PTPRD: variants seen among roughly 807,000 people sequenced by gnomAD.
PTPRD encodes the protein receptor-type tyrosine-protein phosphatase delta.
In PTPRD, 34 loss-of-function variants were observed where a neutral mutation model predicts 214.5. The observed-to-expected ratio is 0.16, with a 90% CI of 0.12 to 0.21. The LOEUF (loss-of-function observed/expected upper bound fraction) is 0.21. PTPRD is among the 10% of genes least tolerant of loss of function. The pLI, the probability that PTPRD is intolerant of heterozygous loss-of-function variation, is 1.00. For missense variants in PTPRD, 2,545 were observed against 2,398.7 expected, an observed-to-expected ratio of 1.06 and a Z score of -1.27; for synonymous variants, 1,128 against 845.7, an observed-to-expected ratio of 1.33 and a Z score of -5.79.
At chr9:10,374,765 G>A (rs1046266589) in intron 2 of PTPRD, among the ~76,000 whole-genome samples, 1 of 152,024 alleles carries the variant, frequency 6.6e-6, no homozygotes, top group South Asian at 2.1e-4. Flanking sequence ...TAATTCATAA[G>A]TAAAATATAC....
intron 9 of PTPRD, among the ~76,000 whole-genome samples, chr9:9,222,403 C>T (rs2099956693): frequency 6.6e-6 from 1 of 151,958 alleles, no homozygotes; most frequent in Admixed American, 6.6e-5. Context: ...TTTTCTAGAA[C>T]ACAGGGAGTG....
At chr9:9,595,548 G>T (rs1490176855) in intron 7 of PTPRD, among the ~76,000 whole-genome samples, 3 of 39,418 alleles carry the variant, frequency 7.6e-5, no homozygotes, top group African/African-American at 1.7e-4. Flanking sequence ...ATGTATGTGT[G>T]TTTGTGTGTG....
At chr9:10,263,701 G>A (rs1370463042) in intron 3 of PTPRD, among the ~76,000 whole-genome samples, 2 of 152,142 alleles carry the variant, frequency 1.3e-5, no homozygotes, top group Admixed American at 6.5e-5. Flanking sequence ...CCATTTTCTG[G>A]GGAGAAATTC....
chr9:8,525,217 A>AAT (rs1564068362), intron 17 of PTPRD, 182 bp from the exon 18 acceptor site: 3 of 621,654 alleles, frequency 4.8e-6, no homozygotes, highest in African/African-American at 3.7e-5. Flanking sequence ...TATAGAGATT[A>AAT]TTTTTTTTTT....
intron 7 of PTPRD, among the ~76,000 whole-genome samples, chr9:9,613,135 C>CATATATATATATATATAT (rs67735335): frequency 7.9e-4 from 38 of 47,868 alleles, no homozygotes; most frequent in African/African-American, 2.8e-3. Flanking sequence ...TACATACATA[C>CATATATATATATATATAT]ATATATATAT....
At chr9:9,335,880 C>T (rs1422949292) in intron 9 of PTPRD, among the ~76,000 whole-genome samples, 2 of 151,978 alleles carry the variant, frequency 1.3e-5, no homozygotes, top group African/African-American at 4.8e-5. Flanking sequence ...TGAAATGTAA[C>T]ATGTTCAAAT....
intron 5 of PTPRD, among the ~76,000 whole-genome samples, chr9:9,773,630 C>T (rs1388406238): frequency 6.6e-6 from 1 of 152,136 alleles, no homozygotes; most frequent in Non-Finnish European, 1.5e-5. Flanking sequence ...CAGTCTAAGC[C>T]TTGTTGTACC....
rs1371920751 is a variant in PTPRD at position 8,751,694 on chromosome 9, G to A, written c.-103-17748C>T. 2.6e-5 allele frequency among the ~76,000 whole-genome samples: 4 copies of A among 152,124 alleles called. No individual in the cohort carries two copies. In the East Asian group the frequency reaches 7.7e-4, roughly 29 times the overall value. On this transcript the variant is annotated intron_variant, in intron 11 of 45. Coordinates refer to ENST00000381196, the MANE Select transcript of PTPRD (RefSeq NM_002839.4). ...ATTTCATCCCTTAGTCTTCACTCCA[G>A]GATTTCCTCCATTATTGAAGCAAGG...
At chr9:9,809,709 G>C (rs1052653021) in intron 5 of PTPRD, among the ~76,000 whole-genome samples, 9 of 152,158 alleles carry the variant, frequency 5.9e-5, no homozygotes, top group Admixed American at 6.5e-5. Flanking sequence ...CTAAACACTA[G>C]AAGAGAAGGA....
chr9:10,127,620 C>T (rs995071236), intron 3 of PTPRD, among the ~76,000 whole-genome samples: 1 of 152,172 alleles, frequency 6.6e-6, no homozygotes, highest in East Asian at 1.9e-4. Context: ...TGATATTAAT[C>T]ATATTGTTTC....
At chr9:9,287,219 T>A (rs1200702338) in intron 9 of PTPRD, among the ~76,000 whole-genome samples, 1 of 151,460 alleles carries the variant, frequency 6.6e-6, no homozygotes, top group East Asian at 2.0e-4. Context: ...AACAAGACTC[T>A]GTCATCCCAC....
chr9:9,029,018 G>C (rs1428358903), intron 10 of PTPRD, among the ~76,000 whole-genome samples: 1 of 151,810 alleles, frequency 6.6e-6, no homozygotes, highest in Non-Finnish European at 1.5e-5. Context: ...TTCAACTGTG[G>C]CTAGTAAGAA....
At chr9:9,575,954 G>T (rs10977851) in intron 7 of PTPRD, among the ~76,000 whole-genome samples, 1 of 151,990 alleles carries the variant, frequency 6.6e-6, no homozygotes, top group East Asian at 1.9e-4. Context: ...CCTCAAAGAA[G>T]AAATTAGTAG....
At chr9:10,393,635 GTA>G (rs529678306) in intron 2 of PTPRD, among the ~76,000 whole-genome samples, 5 of 146,352 alleles carry the variant, frequency 3.4e-5, no homozygotes, top group Non-Finnish European at 3.0e-5. Context: ...TATTCTGCAA[GTA>G]TATATATATA....
intron 7 of PTPRD, among the ~76,000 whole-genome samples, chr9:9,723,858 C>G (rs2098020540): frequency 6.6e-6 from 1 of 152,034 alleles, no homozygotes. Flanking sequence ...AAGTATTAAT[C>G]TTGTATCCTG....
intron 4 of PTPRD, among the ~76,000 whole-genome samples, chr9:9,985,543 T>C (rs1354000310): frequency 1.3e-5 from 2 of 152,116 alleles, no homozygotes; most frequent in East Asian, 1.9e-4. Context: ...ATACAGATGA[T>C]GGTCAAAATG....
At chr9:9,916,463 T>C (rs2080839499) in intron 5 of PTPRD, among the ~76,000 whole-genome samples, 1 of 151,904 alleles carries the variant, frequency 6.6e-6, no homozygotes. Context: ...TGAATGTAAA[T>C]AAACTAAATC....
At chr9:8,544,397 T>A (rs1253953577) in intron 14 of PTPRD, among the ~76,000 whole-genome samples, 1 of 150,452 alleles carries the variant, frequency 6.6e-6, no homozygotes, top group African/African-American at 2.4e-5. Flanking sequence ...TACTTTTCAA[T>A]GGTAAAACAG....
At chr9:8,747,785 C>T (rs2093000136) in intron 11 of PTPRD, among the ~76,000 whole-genome samples, 1 of 152,046 alleles carries the variant, frequency 6.6e-6, no homozygotes, top group African/African-American at 2.4e-5. Flanking sequence ...TTGATAGCAC[C>T]CATCAGATGG....
Sources: allele counts gnomAD v4.1 joint callset (sites outside exome capture counted in the v4.1 genomes callset), GRCh38; gene constraint gnomAD v4.1.1; transcripts MANE v1.5; gene names NCBI Gene and HGNC (gene_info 2026-07-23, HGNC 2026-07-21).